The following PIK3R3 variants were observed in gnomAD, a reference collection of about 807,000 sequenced individuals.
PIK3R3 encodes phosphatidylinositol 3-kinase regulatory subunit gamma.
In PIK3R3, 64 loss-of-function variants were observed where a neutral mutation model predicts 62.9. The ratio of observed to expected loss-of-function variants is 1.02; its 90% CI spans 0.83 to 1.25. The LOEUF is 1.25. Ranked by LOEUF, PIK3R3 falls within the 50% of genes most tolerant of loss-of-function variation. The pLI, the probability that PIK3R3 is intolerant of heterozygous loss-of-function variation, is 0.00. For synonymous variants in PIK3R3, 165 were observed against 189.0 expected (o/e 0.87, Z 1.04); for missense variants, 614 against 561.6 (o/e 1.09, Z -0.94).
At chr1:46,090,047 G>A (rs1312095996) in intron 1 of PIK3R3, among the ~76,000 whole-genome samples, 5 of 151,996 alleles carry the variant, frequency 3.3e-5, no homozygotes, top group Admixed American at 1.3e-4. Flanking sequence ...CAGAAGAGAG[G>A]GTAGGACAGG....
chr1:46,083,544 T>C (rs918997747), intron 1 of PIK3R3, among the ~76,000 whole-genome samples: 4 of 152,208 alleles, frequency 2.6e-5, no homozygotes, highest in Admixed American at 2.6e-4. Context: ...AAATATATTT[T>C]TGTACTTGTA....
intron 1 of PIK3R3, among the ~76,000 whole-genome samples, chr1:46,124,559 G>A (rs775812962): frequency 1.3e-5 from 2 of 152,156 alleles, no homozygotes; most frequent in Non-Finnish European, 2.9e-5. Flanking sequence ...CACTTTGGGA[G>A]GCCGAGGCGG....
At chr1:46,098,156 A>C (rs1016877419) in intron 1 of PIK3R3, among the ~76,000 whole-genome samples, 1 of 152,256 alleles carries the variant, frequency 6.6e-6, no homozygotes, top group Non-Finnish European at 1.5e-5. Flanking sequence ...GCACATGAAA[A>C]AGATACTCAG....
chr1:46,090,673 CAATTA>C (rs1338367127), intron 1 of PIK3R3, among the ~76,000 whole-genome samples: 2 of 152,142 alleles, frequency 1.3e-5, no homozygotes, highest in Admixed American at 6.5e-5. Flanking sequence ...TGTAAGTTCA[CAATTA>C]AATTATATTA....
upstream of PIK3R3, among the ~76,000 whole-genome samples, chr1:46,135,332 C>G (rs1375396236): frequency 6.6e-6 from 1 of 152,106 alleles, no homozygotes; most frequent in African/African-American, 2.4e-5. Flanking sequence ...TTCCTTTGCC[C>G]TCTCCCTTTC....
intron 3 of PIK3R3, among the ~76,000 whole-genome samples, 165 bp downstream of exon 3, chr1:46,077,350 C>T (rs1183668190): frequency 1.3e-5 from 2 of 151,724 alleles, no homozygotes; most frequent in Non-Finnish European, 2.9e-5. Flanking sequence ...TGTTTAAATA[C>T]TTAATGTATA....
intron 2 of PIK3R3, among the ~76,000 whole-genome samples, chr1:46,079,710 T>G (rs548331405): frequency 6.6e-6 from 1 of 152,002 alleles, no homozygotes; most frequent in African/African-American, 2.4e-5. Context: ...TCCCAGCACT[T>G]TGGGAGGCCA....
Position 46,061,924 on chromosome 1 carries a change from C to T in PIK3R3, c.764+5G>A. 1 of 1,612,098 alleles carries T rather than the reference C, an allele frequency of 6.2e-7. No homozygotes were observed. The highest frequency in any genetic ancestry group is 8.5e-7 in the Non-Finnish European group (1 of 1,178,332). On this transcript the variant is annotated splice_donor_5th_base_variant and intron_variant, in intron 6 of 9. Coordinates refer to ENST00000262741, the MANE Select transcript of PIK3R3 (RefSeq NM_003629.4). ...GATGCCCTTGGAGGTACTAAGTAGA[C>T]TTACCGTTCAATCTCCTTTTCATTC...
chr1:46,046,146 T>G (rs1168194895), intron 8 of PIK3R3, 58 bp from the exon 9 acceptor site: 1 of 1,036,256 alleles, frequency 9.7e-7, no homozygotes, highest in African/African-American at 1.6e-5. Flanking sequence ...AAAAGCAAAT[T>G]CATAAATAAA....
chr1:46,162,613 G>T, the PIK3R3 span, among the ~76,000 whole-genome samples: 1 of 151,968 alleles, frequency 6.6e-6, no homozygotes, highest in African/African-American at 2.4e-5. Context: ...AAAAATTAGA[G>T]CAGTGTTTAT....
intron 1 of PIK3R3, among the ~76,000 whole-genome samples, chr1:46,092,389 A>C (rs1557601157): frequency 6.6e-6 from 1 of 152,130 alleles, no homozygotes; most frequent in African/African-American, 2.4e-5. Context: ...TTTGAGACGG[A>C]GTCTCGCTCT....
chr1:46,128,791 C>CA (rs753852363), intron 1 of PIK3R3, among the ~76,000 whole-genome samples: 4 of 152,140 alleles, frequency 2.6e-5, no homozygotes, highest in Admixed American at 6.6e-5. Context: ...AGAAGTGCTA[C>CA]AAGAGTAGGC....
intron 1 of PIK3R3, among the ~76,000 whole-genome samples, chr1:46,088,938 CTG>C (rs1479282644): frequency 7.9e-5 from 12 of 151,136 alleles, no homozygotes. Flanking sequence ...CTCAACAACA[CTG>C]GAGACTAGCA....
In PIK3R3 at chr1:46,108,931, G is replaced by A. The variant is rs181385914; in HGVS notation, c.106+22916C>T. Among the ~76,000 whole-genome samples the A allele has an allele frequency of 2.9e-3, 448 of 152,268 alleles. 3 individuals carry two copies. The highest frequency in any genetic ancestry group is 0.02 in the East Asian group (106 of 5,186). ...TCCCAGCACTTTGGGAGGCCAAGGC[G>A]GGCGGATCACGAGGTCAGGAGATCG... On this transcript the variant is annotated intron_variant, in intron 1 of 9. Transcript: ENST00000262741.
At chr1:46,086,074 G>T (rs2149421006) in intron 1 of PIK3R3, among the ~76,000 whole-genome samples, 1 of 152,040 alleles carries the variant, frequency 6.6e-6, no homozygotes, top group East Asian at 1.9e-4. Flanking sequence ...TAGCAATACA[G>T]AAAGATATTT....
intron 6 of PIK3R3, among the ~76,000 whole-genome samples, chr1:46,061,657 A>G (rs1230523300): frequency 6.6e-6 from 1 of 152,192 alleles, no homozygotes; most frequent in African/African-American, 2.4e-5. Context: ...TACAGCCCCT[A>G]AATTGGTCTC....
At chr1:46,076,753 T>G (rs1042428024) in intron 3 of PIK3R3, among the ~76,000 whole-genome samples, 1 of 152,224 alleles carries the variant, frequency 6.6e-6, no homozygotes, top group African/African-American at 2.4e-5. Context: ...CTTAACCATG[T>G]TAACCCTTAG....
chr1:46,153,374 G>A, the PIK3R3 span, among the ~76,000 whole-genome samples: 1 of 152,136 alleles, frequency 6.6e-6, no homozygotes, highest in Non-Finnish European at 1.5e-5. Context: ...TTCTTGAATG[G>A]CTAGTCATCT....
At chr1:46,172,262 C>T in the PIK3R3 span, among the ~76,000 whole-genome samples, 40 of 152,230 alleles carry the variant, frequency 2.6e-4, no homozygotes, top group Admixed American at 9.1e-4. Flanking sequence ...TTCTGAGCCT[C>T]GGTTTTCTCA....
Sources: allele counts gnomAD v4.1 joint callset (sites outside exome capture counted in the v4.1 genomes callset), GRCh38; gene constraint gnomAD v4.1.1; transcripts MANE v1.5; gene names NCBI Gene and HGNC (gene_info 2026-07-23, HGNC 2026-07-21).